The following HMCN1 variants were observed in gnomAD, a reference collection of about 807,000 sequenced individuals.
HMCN1 encodes the protein hemicentin 1.
Under a neutral mutation model 625.9 loss-of-function variants are expected in HMCN1, and 321 were observed. That is an observed-to-expected ratio of 0.51 (90% CI 0.47 to 0.56). The LOEUF is 0.56. HMCN1 is among the 20% of genes least tolerant of loss of function. HMCN1 has a pLI of 0.00. For synonymous variants in HMCN1, 2,425 were observed against 2,417.6 expected (o/e 1.00, Z -0.09); for missense variants, 6,588 against 6,887.3 (o/e 0.96, Z 1.54).
chr1:186,163,853 C>G (rs1165833388), intron 97 of HMCN1, among the ~76,000 whole-genome samples: 1 of 152,128 alleles, frequency 6.6e-6, no homozygotes, highest in Non-Finnish European at 1.5e-5. Context: ...TTATGACAAC[C>G]AAAGTATCTC....
At chr1:186,088,850 T>A in intron 63 of HMCN1, 95 bp downstream of exon 63, 4 of 1,205,134 alleles carry the variant, frequency 3.3e-6, no homozygotes, top group Non-Finnish European at 4.7e-6. Flanking sequence ...TAGTAATTGA[T>A]TCAACATATC....
At chr1:185,761,675 A>G (rs1294314162) in intron 1 of HMCN1, among the ~76,000 whole-genome samples, 1 of 152,220 alleles carries the variant, frequency 6.6e-6, no homozygotes, top group Non-Finnish European at 1.5e-5. Context: ...GATACTATGT[A>G]AAAATCAAGG....
At chr1:185,982,509 A>G in intron 18 of HMCN1, 120 bp downstream of exon 18, 1 of 889,450 alleles carries the variant, frequency 1.1e-6, no homozygotes, top group Non-Finnish European at 1.7e-6. Flanking sequence ...GGTGGGATCT[A>G]GGCTCACCGC....
At chr1:186,160,564 A>G (rs1272824031) in intron 97 of HMCN1, among the ~76,000 whole-genome samples, 1 of 151,906 alleles carries the variant, frequency 6.6e-6, no homozygotes, top group South Asian at 2.1e-4. Context: ...ATTTAGTGCT[A>G]TAAATTTCCC....
intron 25 of HMCN1, among the ~76,000 whole-genome samples, chr1:185,998,273 C>A (rs530659524): frequency 6.6e-6 from 1 of 152,218 alleles, no homozygotes; most frequent in South Asian, 2.1e-4. Flanking sequence ...GTGGCTGGTA[C>A]CATTTGTGCC....
intron 4 of HMCN1, among the ~76,000 whole-genome samples, chr1:185,897,226 C>T (rs1238122575): frequency 6.6e-6 from 1 of 152,162 alleles, no homozygotes; most frequent in Non-Finnish European, 1.5e-5. Flanking sequence ...CCTATTCTAA[C>T]TGCCACATTA....
At chr1:185,845,180 G>A (rs1295039915) in intron 1 of HMCN1, among the ~76,000 whole-genome samples, 2 of 152,148 alleles carry the variant, frequency 1.3e-5, no homozygotes, top group African/African-American at 4.8e-5. Context: ...TTCCTGCACT[G>A]TTAATGTCCT....
chr1:185,793,801 A>C (rs765289086), intron 1 of HMCN1, among the ~76,000 whole-genome samples: 16 of 152,170 alleles, frequency 1.1e-4, no homozygotes, highest in Non-Finnish European at 1.6e-4. Context: ...GGAGATTCTG[A>C]TATACTTCCC....
At position 186,123,165 on chromosome 1, in the gene HMCN1, C is replaced by T; in HGVS notation, c.12444C>T (p.Cys4148=). ...VQPGDAGHYT[C]MAANVAGSSS... ...CTGGTGATGCTGGCCATTACACGTG[C>T]ATGGCAGCCAATGTAGCAGGATCAA... The change falls in exon 81 of 107, where the codon TGC becomes TGT. Residue 4148 remains cysteine, a synonymous_variant. Transcript: ENST00000271588. The T allele has an allele frequency of 3.7e-6, 6 of 1,613,958 alleles. No individual in the cohort carries two copies. Among genetic ancestry groups the T allele is most frequent in the Non-Finnish European group, 5.1e-6 (6 of 1,179,942 alleles).
intron 97 of HMCN1, among the ~76,000 whole-genome samples, chr1:186,157,920 T>C (rs1462457491): frequency 4.6e-5 from 7 of 152,154 alleles, no homozygotes; most frequent in Non-Finnish European, 8.8e-5. Flanking sequence ...TGTGTCTTTA[T>C]AGCAGCATCA....
chr1:185,785,405 T>G (rs1237488334), intron 1 of HMCN1, among the ~76,000 whole-genome samples: 1 of 152,232 alleles, frequency 6.6e-6, no homozygotes, highest in East Asian at 1.9e-4. Context: ...ACATTAAAAT[T>G]GTGCCTCGTC....
chr1:186,157,411 T>C (rs970565687), intron 97 of HMCN1, among the ~76,000 whole-genome samples: 1 of 152,142 alleles, frequency 6.6e-6, no homozygotes, highest in Non-Finnish European at 1.5e-5. Context: ...AATATGAAAA[T>C]CTTTGGACAG....
intron 5 of HMCN1, 150 bp downstream of exon 5, chr1:185,909,658 A>C (rs1666303759): frequency 1.4e-6 from 1 of 738,574 alleles, no homozygotes; most frequent in Admixed American, 2.4e-5. Context: ...AAAAAATGTA[A>C]CATTTTGAAA....
rs552170308 is a variant in HMCN1 at position 185,891,795 on chromosome 1, T to A, written c.622-17542T>A. ...AATCTGACAATTATGTGTCTTGGAG[T>A]TGCTCTTCTCGAGGAGTATCTTTGT... On this transcript the variant is annotated intron_variant, in intron 4 of 106. Transcript: ENST00000271588. 3.4e-3 allele frequency among the ~76,000 whole-genome samples: 500 copies of A among 147,770 alleles called. 5 individuals carry two copies. The highest frequency in any genetic ancestry group is 4.5e-3 in the Non-Finnish European group (308 of 68,006).
chr1:186,154,067 G>C lies in HMCN1; in HGVS notation c.15256+80G>C. On this transcript the variant is annotated intron_variant, in intron 97 of 106. Transcript: ENST00000271588. ...AAAAATTCAAAATAAGGACATTGAG[G>C]CCTACATCTAACATGATATCAGGTT... 3.7e-6 allele frequency: 4 copies of C among 1,083,528 alleles called. No individual in the cohort carries two copies. The South Asian group carries it at 5.2e-5, about 14-fold the overall frequency. 67.1% of individuals were successfully genotyped at this position (1,083,528 alleles called of 1,614,324 possible).
chr1:185,886,967 A>G (rs1455465655), intron 4 of HMCN1, among the ~76,000 whole-genome samples: 1 of 151,470 alleles, frequency 6.6e-6, no homozygotes, highest in Non-Finnish European at 1.5e-5. Flanking sequence ...TCCATTCCCC[A>G]CTCTAATTAG....
intron 1 of HMCN1, among the ~76,000 whole-genome samples, chr1:185,798,993 A>G (rs1658595897): frequency 6.6e-6 from 1 of 152,170 alleles, no homozygotes. Flanking sequence ...TCATATGCAT[A>G]TACTATTTCT....
intron 1 of HMCN1, among the ~76,000 whole-genome samples, chr1:185,786,856 A>G (rs937672973): frequency 1.3e-5 from 2 of 152,100 alleles, no homozygotes; most frequent in African/African-American, 4.8e-5. Flanking sequence ...ACTATGTGTC[A>G]CCCCAATGCT....
intron 4 of HMCN1, among the ~76,000 whole-genome samples, chr1:185,884,050 G>T (rs1664480253): frequency 6.6e-6 from 1 of 151,446 alleles, no homozygotes; most frequent in South Asian, 2.1e-4. Context: ...ATCCTTTGAG[G>T]CTTTTTAGAA....
Sources: allele counts gnomAD v4.1 joint callset (sites outside exome capture counted in the v4.1 genomes callset), GRCh38; gene constraint gnomAD v4.1.1; transcripts MANE v1.5; gene names NCBI Gene and HGNC (gene_info 2026-07-23, HGNC 2026-07-21).